The following TSHZ1 variants were observed in gnomAD, a reference collection of about 807,000 sequenced individuals.
The protein encoded by TSHZ1 is teashirt zinc finger homeobox 1, also known as teashirt homolog 1.
Under a neutral mutation model 67.1 loss-of-function variants are expected in TSHZ1, and 12 were observed. The observed-to-expected ratio is 0.18, with a 90% CI of 0.11 to 0.29. TSHZ1 has a LOEUF of 0.29. TSHZ1 is among the 10% of genes least tolerant of loss of function. The probability of loss-of-function intolerance (pLI) is 1.00; values close to 1 mark genes in which losing one functional copy is unlikely to be tolerated. For synonymous variants in TSHZ1, 632 were observed against 622.4 expected (o/e 1.02, Z -0.23); for missense variants, 1,305 against 1,413.9 (o/e 0.92, Z 1.23).
chr18:75,263,535 C>G (rs1213183416), intron 1 of TSHZ1, among the ~76,000 whole-genome samples: 1 of 152,132 alleles, frequency 6.6e-6, no homozygotes, highest in African/African-American at 2.4e-5. Context: ...ATGTACTTAT[C>G]AGTTAAGGAA....
At chr18:75,230,357 G>A (rs571897771) in intron 1 of TSHZ1, among the ~76,000 whole-genome samples, 8 of 152,084 alleles carry the variant, frequency 5.3e-5, no homozygotes, top group Admixed American at 1.3e-4. Context: ...TCCTAGGAGC[G>A]CACCTTACGG....
chr18:75,215,943 A>G (rs1012401199), intron 1 of TSHZ1, among the ~76,000 whole-genome samples: 2 of 147,506 alleles, frequency 1.4e-5, no homozygotes, highest in African/African-American at 2.5e-5. Flanking sequence ...CTCTGTGCTT[A>G]TACTCTGTGT....
At chr18:75,226,571 C>CTT (rs34040466) in intron 1 of TSHZ1, among the ~76,000 whole-genome samples, 4 of 141,290 alleles carry the variant, frequency 2.8e-5, no homozygotes, top group Non-Finnish European at 4.7e-5. Flanking sequence ...TGTTTTTCAA[C>CTT]TTTTTTTTTT....
intron 1 of TSHZ1, among the ~76,000 whole-genome samples, chr18:75,225,884 A>G (rs1304534043): frequency 1.3e-5 from 2 of 152,174 alleles, no homozygotes; most frequent in Non-Finnish European, 2.9e-5. Context: ...CACTTGGTGG[A>G]GAGGCAGGTT....
chr18:75,245,900 A>G (rs1473088697), intron 1 of TSHZ1, among the ~76,000 whole-genome samples: 1 of 152,188 alleles, frequency 6.6e-6, no homozygotes, highest in African/African-American at 2.4e-5. Context: ...GTTTTCTTGT[A>G]CTAAGTGTTG....
intron 1 of TSHZ1, among the ~76,000 whole-genome samples, chr18:75,230,976 C>A (rs1424771474): frequency 6.6e-6 from 1 of 152,216 alleles, no homozygotes; most frequent in Non-Finnish European, 1.5e-5. Flanking sequence ...TAAAAAAAAC[C>A]TGTCAGTTCC....
chr18:75,257,385 C>T (rs1210816959), intron 1 of TSHZ1, among the ~76,000 whole-genome samples: 1 of 152,100 alleles, frequency 6.6e-6, no homozygotes, highest in African/African-American at 2.4e-5. Flanking sequence ...AAACAAAAAA[C>T]CCACACATAA....
chr18:75,259,250 C>T (rs571442306), intron 1 of TSHZ1, among the ~76,000 whole-genome samples: 17 of 152,222 alleles, frequency 1.1e-4, no homozygotes, highest in Non-Finnish European at 2.4e-4. Flanking sequence ...TGCAGACTCT[C>T]CAAGGTGTGG....
intron 1 of TSHZ1, among the ~76,000 whole-genome samples, chr18:75,269,385 A>T (rs2023530562): frequency 1.3e-5 from 2 of 152,174 alleles, no homozygotes; most frequent in Admixed American, 1.3e-4. Context: ...GACCTGGCCC[A>T]GCAGGAAGAC....
In TSHZ1 at chr18:75,287,581, A is replaced by G; in HGVS notation, c.2174A>G (p.Asn725Ser). 1.2e-6 allele frequency: 2 copies of G among 1,614,236 alleles called. No homozygotes were observed. Among genetic ancestry groups the G allele is most frequent in the Non-Finnish European group, 1.7e-6 (2 of 1,180,040 alleles). The change falls in exon 2 of 2, where the codon AAC (asparagine) becomes AGC (serine). Residue 725 changes from asparagine (N) to serine (S), a missense_variant. Physicochemically the swap from Asn to Ser is conservative, Grantham distance 46. This residue lies in a region of TSHZ1 where 909 missense variants were observed against 961.8 expected (regional missense o/e 0.95). Coordinates refer to ENST00000580243, the MANE Select transcript of TSHZ1 (RefSeq NM_001308210.2). This position sits in a 1 kb window ranked among gnomAD's most constrained non-coding sequence, Gnocchi z 5.0. The part of the protein sequence containing the change: ...GTEPLKAKVT[N>S]GCNNLGIIMD... ...GAGCCTCTCAAAGCAAAGGTCACCA[A>G]CGGCTGTAACAACCTGGGGATCATC...
intron 1 of TSHZ1, among the ~76,000 whole-genome samples, chr18:75,232,536 A>C (rs952384807): frequency 6.6e-6 from 1 of 152,216 alleles, no homozygotes; most frequent in African/African-American, 2.4e-5. Flanking sequence ...TTATTTATTT[A>C]GTAGGTATTT....
intron 1 of TSHZ1, chr18:75,221,177 T>C (rs1215296734): frequency 1.3e-5 from 2 of 152,218 alleles, no homozygotes; most frequent in Non-Finnish European, 2.9e-5. Context: ...ATATGGTAAA[T>C]ATAGGTCAAG....
At chr18:75,280,796 C>G in intron 1 of TSHZ1, 1 of 985,432 alleles carries the variant, frequency 1.0e-6, no homozygotes, top group Non-Finnish European at 1.2e-6. Context: ...AGTCACAGCT[C>G]TATGAGGAGG....
chr18:75,214,144 TC>T (rs1427351399), intron 1 of TSHZ1, among the ~76,000 whole-genome samples: 1 of 152,190 alleles, frequency 6.6e-6, no homozygotes, highest in Non-Finnish European at 1.5e-5. Flanking sequence ...GTTTAGCTCT[TC>T]CCCCCTCACT....
rs1378692255 is a variant in TSHZ1 at position 75,211,005 on chromosome 18, G to GT, written c.-872_-871insT. 9 of 150,828 alleles carry GT rather than the reference G, an allele frequency of 6.0e-5. No homozygotes were observed. The highest frequency in any genetic ancestry group is 4.0e-4 in the Admixed American group (6 of 15,150). 9.3% of individuals were successfully genotyped at this position (150,828 alleles called of 1,614,324 possible). ...TTGTTGCCTTTTTTTTTTCTTGGAG[G>GT]GGGGGGTGCTTTTTGTGTATTTTTC... is the stretch of plus-strand genomic sequence containing the variant. On this transcript the variant is annotated 5_prime_UTR_variant, in exon 1 of 2. The change creates a premature stop within an existing upstream ORF in the 5' untranslated region. Transcript: ENST00000580243.
chr18:75,264,245 A>T (rs748281125), intron 1 of TSHZ1, among the ~76,000 whole-genome samples: 30 of 152,244 alleles, frequency 2.0e-4, no homozygotes, highest in Non-Finnish European at 4.4e-4. Flanking sequence ...AAAGAAATTG[A>T]AAACAATATG....
At chr18:75,279,737 T>G (rs1282587744) in intron 1 of TSHZ1, among the ~76,000 whole-genome samples, 1 of 152,156 alleles carries the variant, frequency 6.6e-6, no homozygotes, top group Non-Finnish European at 1.5e-5. Context: ...TTTTTAACAT[T>G]AAAACACAGT....
intron 1 of TSHZ1, among the ~76,000 whole-genome samples, chr18:75,260,290 T>C (rs1377012190): frequency 6.6e-6 from 1 of 152,256 alleles, no homozygotes; most frequent in Non-Finnish European, 1.5e-5. Context: ...TCTCCCGCTT[T>C]TGCATTTTCC....
intron 1 of TSHZ1, among the ~76,000 whole-genome samples, chr18:75,263,261 A>T (rs2023452044): frequency 6.6e-6 from 1 of 152,212 alleles, no homozygotes; most frequent in Non-Finnish European, 1.5e-5. Context: ...TTCAACTTTT[A>T]TCGCTTTGAC....
Sources: gnomAD v4.1 joint callset for allele counts (sites outside exome capture counted in the v4.1 genomes callset) on GRCh38, gnomAD v4.1.1 for gene constraint, gnomAD v4.1.1 regional missense constraint, Gnocchi (gnomAD v3.1) non-coding constraint, MANE v1.5 for transcripts, NCBI Gene and HGNC (gene_info 2026-07-23, HGNC 2026-07-21) for gene names.